Variants in GUCY1A2 observed in about 807,000 individuals in gnomAD.
The protein encoded by GUCY1A2 is guanylate cyclase soluble subunit alpha-2.
GUCY1A2 carries 27 observed loss-of-function variants against 63.5 expected under a neutral mutation model. The ratio of observed to expected loss-of-function variants is 0.43; its 90% CI spans 0.31 to 0.59. The LOEUF is 0.59. Among genes scored for constraint, GUCY1A2 ranks in the 20% least tolerant of loss-of-function variants. The pLI is 0.11. For synonymous variants in GUCY1A2, 364 were observed against 343.5 expected (o/e 1.06, Z -0.66); for missense variants, 768 against 913.3 (o/e 0.84, Z 2.05).
At chr11:106,749,523 T>C (rs1863848957) in intron 6 of GUCY1A2, among the ~76,000 whole-genome samples, 1 of 152,054 alleles carries the variant, frequency 6.6e-6, no homozygotes, top group Non-Finnish European at 1.5e-5. Context: ...TCTATACTGA[T>C]CACCTTTTGC....
At chr11:106,886,406 C>G (rs11211959) in intron 4 of GUCY1A2, among the ~76,000 whole-genome samples, 24,830 of 152,014 alleles carry the variant, frequency 0.16, 2,447 homozygotes, top group East Asian at 0.28. Flanking sequence ...AATAACAACT[C>G]TAGACTGCCT....
chr11:106,893,404 T>C (rs924636447), intron 4 of GUCY1A2, among the ~76,000 whole-genome samples: 1 of 152,002 alleles, frequency 6.6e-6, no homozygotes, highest in African/African-American at 2.4e-5. Flanking sequence ...ACTTAAAGGA[T>C]TGGGGAAATA....
rs1401852501 is a variant in GUCY1A2, at chr11:106,686,490, A to C, written c.*1059T>G. On this transcript the variant is annotated 3_prime_UTR_variant, in exon 8 of 8. Transcript: ENST00000526355. ...CTGTCCTGACACTTCTTTGTCACTA[A>C]TGCCAGTATCCAGGAATTTGTTCTC... is the stretch of plus-strand genomic sequence containing the variant. The C allele has an allele frequency of 4.6e-6, 1 of 216,802 alleles. No homozygotes were observed. Among genetic ancestry groups the C allele is most frequent in the Non-Finnish European group, 9.3e-6 (1 of 107,636 alleles). The allele number at this position is 216,802 out of a possible 1,614,324, so 13.4% of individuals were successfully genotyped here. A position where few individuals can be genotyped will look rare whatever the true frequency, so the allele number is the denominator to read the frequency against.
chr11:106,948,740 A>C (rs1281964152), intron 3 of GUCY1A2, among the ~76,000 whole-genome samples: 1 of 152,180 alleles, frequency 6.6e-6, no homozygotes, highest in African/African-American at 2.4e-5. Flanking sequence ...TGCTGAAGTA[A>C]ATCTGTGTAT....
At chr11:106,706,843 A>T (rs1168681913) in intron 7 of GUCY1A2, among the ~76,000 whole-genome samples, 1 of 152,146 alleles carries the variant, frequency 6.6e-6, no homozygotes, top group Non-Finnish European at 1.5e-5. Context: ...AGAATCACTG[A>T]TCTCTACTAG....
intron 6 of GUCY1A2, among the ~76,000 whole-genome samples, chr11:106,735,822 C>T (rs1232655527): frequency 6.6e-6 from 1 of 152,070 alleles, no homozygotes; most frequent in Non-Finnish European, 1.5e-5. Flanking sequence ...GGATAAAAGC[C>T]ATTTTTATCT....
At chr11:106,936,107 T>C (rs1354858095) in intron 4 of GUCY1A2, among the ~76,000 whole-genome samples, 1 of 152,158 alleles carries the variant, frequency 6.6e-6, no homozygotes, top group Non-Finnish European at 1.5e-5. Context: ...GGAAGCTATG[T>C]GCTATTACTC....
At position 106,776,512 on chromosome 11, in the gene GUCY1A2, G is replaced by A. The variant is rs749940015; in HGVS notation, c.1763C>T (p.Pro588Leu). The change falls in exon 6 of 8, where the codon CCC becomes CTC. Residue 588 changes from proline to leucine, a missense_variant. Around this residue, in one of 3 missense-constraint regions of GUCY1A2, gnomAD observed 150 missense variants for 188.3 expected, o/e 0.80. Coordinates refer to ENST00000526355, the MANE Select transcript of GUCY1A2 (RefSeq NM_000855.3). ...LHRKSLCHAK[P>L]IALMALKMME... ...CATCTTCAAGGCCATCAGAGCAATGGGTTTAGCATGGCAGAGGCTTTTTCT... is the reference window on the plus strand; with the variant it reads ...CATCTTCAAGGCCATCAGAGCAATGAGTTTAGCATGGCAGAGGCTTTTTCT... 12 of 1,613,270 alleles carry A rather than the reference G, an allele frequency of 7.4e-6. No individual in the cohort carries two copies. The highest frequency in any genetic ancestry group is 1.0e-5 in the Non-Finnish European group (12 of 1,179,250).
intron 4 of GUCY1A2, among the ~76,000 whole-genome samples, chr11:106,921,761 G>A (rs558620178): frequency 5.0e-4 from 76 of 152,070 alleles, no homozygotes; most frequent in African/African-American, 1.6e-3. Context: ...AAGCAAACAA[G>A]CAAAAAAACA....
intron 3 of GUCY1A2, among the ~76,000 whole-genome samples, chr11:106,962,388 TAAAAAA>T (rs5794509): frequency 1.2e-4 from 18 of 147,224 alleles, no homozygotes; most frequent in Admixed American, 3.4e-4. Context: ...CATCTCCACT[TAAAAAA>T]AAAAAAAATA....
chr11:106,731,608 A>G (rs1021183756), intron 6 of GUCY1A2, among the ~76,000 whole-genome samples: 4 of 152,160 alleles, frequency 2.6e-5, no homozygotes, highest in African/African-American at 9.7e-5. Flanking sequence ...CCCTGTTTTC[A>G]GACAATATGA....
chr11:106,997,784 T>A (rs919277262), intron 1 of GUCY1A2, among the ~76,000 whole-genome samples: 15 of 152,150 alleles, frequency 9.9e-5, no homozygotes, highest in African/African-American at 3.6e-4. Flanking sequence ...CACCCTTACA[T>A]TGGGCCTATC....
chr11:106,838,099 CTCCATTATAAA>C (rs1859141510), intron 4 of GUCY1A2, among the ~76,000 whole-genome samples: 1 of 151,890 alleles, frequency 6.6e-6, no homozygotes, highest in African/African-American at 2.4e-5. Flanking sequence ...CCAATGTCAC[CTCCATTATAAA>C]ATTGTCCCTC....
At chr11:106,952,233 T>C (rs1168220581) in intron 3 of GUCY1A2, among the ~76,000 whole-genome samples, 2 of 152,216 alleles carry the variant, frequency 1.3e-5, no homozygotes, top group African/African-American at 2.4e-5. Flanking sequence ...TCTTCTTTGA[T>C]TCCATATGAA....
chr11:106,752,137 G>A (rs757075329), intron 6 of GUCY1A2, among the ~76,000 whole-genome samples: 5 of 152,230 alleles, frequency 3.3e-5, no homozygotes, highest in Non-Finnish European at 7.3e-5. Context: ...TAAGGAGATA[G>A]TGAGTGTTGG....
At chr11:106,900,562 C>A (rs1173542607) in intron 4 of GUCY1A2, among the ~76,000 whole-genome samples, 1 of 152,138 alleles carries the variant, frequency 6.6e-6, no homozygotes, top group Non-Finnish European at 1.5e-5. Context: ...TGCAGTAAAT[C>A]TGAATAAGAC....
At chr11:106,796,237 C>G (rs1227873006) in intron 5 of GUCY1A2, among the ~76,000 whole-genome samples, 1 of 152,164 alleles carries the variant, frequency 6.6e-6, no homozygotes, top group Non-Finnish European at 1.5e-5. Flanking sequence ...ATACAGCACA[C>G]TGATGGGTCT....
intron 3 of GUCY1A2, among the ~76,000 whole-genome samples, chr11:106,961,904 G>C (rs1032811372): frequency 1.3e-5 from 2 of 152,112 alleles, no homozygotes; most frequent in African/African-American, 4.8e-5. Context: ...TCCCAATGTA[G>C]GCAATCTTCA....
At chr11:106,943,595 T>TGC (rs1860781134) in intron 3 of GUCY1A2, among the ~76,000 whole-genome samples, 2 of 152,226 alleles carry the variant, frequency 1.3e-5, no homozygotes, top group Admixed American at 6.5e-5. Context: ...ACAAGGACCT[T>TGC]GCCCTATTTA....
Sources: allele counts gnomAD v4.1 joint callset (sites outside exome capture counted in the v4.1 genomes callset), GRCh38; gene constraint gnomAD v4.1.1; regional missense constraint gnomAD v4.1.1; transcripts MANE v1.5; gene names NCBI Gene and HGNC (gene_info 2026-07-23, HGNC 2026-07-21).